ECE1: variants seen among roughly 807,000 people sequenced by gnomAD.
ECE1 encodes endothelin-converting enzyme 1.
ECE1 carries 35 observed loss-of-function variants against 98.6 expected under a neutral mutation model. The ratio of observed to expected loss-of-function variants is 0.35; its 90% confidence interval spans 0.27 to 0.47. The LOEUF (loss-of-function observed/expected upper bound fraction) is 0.47. Among genes scored for constraint, ECE1 ranks in the 20% least tolerant of loss-of-function variants. The probability of loss-of-function intolerance (pLI) is 1.00; values close to 1 mark genes in which losing one functional copy is unlikely to be tolerated. For missense variants in ECE1, 814 were observed against 1,025.3 expected, an observed-to-expected ratio of 0.79 and a Z score of 2.81; for synonymous variants, 394 against 407.1, an observed-to-expected ratio of 0.97 and a Z score of 0.39.
intron 7 of ECE1, 40 bp downstream of exon 7, chr1:21,257,485 C>A: frequency 1.2e-6 from 2 of 1,610,044 alleles, no homozygotes; most frequent in Non-Finnish European, 1.7e-6. Context: ...CAGGAAGGAC[C>A]GTGCTGGGAG....
chr1:21,299,110 T>C (rs1020862416), intron 1 of ECE1: 9 of 336,590 alleles, frequency 2.7e-5, no homozygotes, highest in South Asian at 2.0e-4. Flanking sequence ...ACCCGTCTCA[T>C]TGAATGATAT....
At chr1:21,273,852 G>A (rs963313415) in intron 3 of ECE1, among the ~76,000 whole-genome samples, 4 of 152,238 alleles carry the variant, frequency 2.6e-5, no homozygotes, top group Non-Finnish European at 4.4e-5. Flanking sequence ...CGAGGAGACT[G>A]GTTTGCCAGA....
At chr1:21,278,562 ACTCTAT>A (rs1163966146) in intron 3 of ECE1, among the ~76,000 whole-genome samples, 1 of 152,168 alleles carries the variant, frequency 6.6e-6, no homozygotes, top group African/African-American at 2.4e-5. Flanking sequence ...TTAGCAAGTC[ACTCTAT>A]CTCAGTGCCT....
chr1:21,252,428 G>A (rs1288026875), intron 8 of ECE1, among the ~76,000 whole-genome samples: 4 of 152,206 alleles, frequency 2.6e-5, no homozygotes, highest in Non-Finnish European at 5.9e-5. Context: ...TGCAGCCAAG[G>A]AGTACTGTGG....
chr1:21,301,775 G>A (rs1207879499), intron 1 of ECE1, among the ~76,000 whole-genome samples: 1 of 140,386 alleles, frequency 7.1e-6, no homozygotes, highest in Non-Finnish European at 1.5e-5. Flanking sequence ...GCCGTGAGCC[G>A]AGATTGCACC....
chr1:21,320,507 G>A (rs1638941325), intron 1 of ECE1, among the ~76,000 whole-genome samples: 1 of 152,196 alleles, frequency 6.6e-6, no homozygotes, highest in Non-Finnish European at 1.5e-5. Context: ...AAAATAAGTA[G>A]AAAATTCTTG....
intron 1 of ECE1, among the ~76,000 whole-genome samples, chr1:21,333,394 T>C (rs1045904601): frequency 6.6e-6 from 1 of 152,030 alleles, no homozygotes; most frequent in African/African-American, 2.4e-5. Flanking sequence ...CTCTCAAATA[T>C]AGTGGGGAAA....
intron 1 of ECE1, among the ~76,000 whole-genome samples, chr1:21,312,102 G>A (rs1423505755): frequency 3.4e-5 from 5 of 145,386 alleles, no homozygotes; most frequent in African/African-American, 1.3e-4. Flanking sequence ...CAGCCTGAGC[G>A]ACAGAGTGAG....
In ECE1 at chr1:21,233,548, G is replaced by A. The variant is rs1308639831; in HGVS notation, c.1670+10C>T. On this transcript the variant is annotated intron_variant, in intron 14 of 18. Transcript: ENST00000374893. This position sits in a 1 kb window ranked among gnomAD's most constrained non-coding sequence, Gnocchi z 4.0. ...CTGGCACCTTGCCGGCAGGGCCTGG[G>A]GGAACTCACTGATCTCTGTTGGGGG... The A allele has an allele frequency of 2.5e-6, 4 of 1,612,832 alleles. No homozygotes were observed. The highest frequency in any genetic ancestry group is 3.3e-5 in the Admixed American group (2 of 60,016).
In ECE1 at chr1:21,233,508, C is replaced by T; in HGVS notation, c.1670+50G>A. The T allele has an allele frequency of 6.4e-7, 1 of 1,570,606 alleles. No individual in the cohort carries two copies. The highest frequency in any genetic ancestry group is 8.7e-7 in the Non-Finnish European group (1 of 1,143,172). On this transcript the variant is annotated intron_variant, in intron 14 of 18. Transcript: ENST00000374893. The surrounding 1 kb of genome is among the most constrained non-coding windows in gnomAD (Gnocchi z 4.0). ...GAAGGCCAGTTCGTCCCAAGGCTTG[C>T]CCACAGGTGGGGAGCTGGCACCTTG...
intron 1 of ECE1, among the ~76,000 whole-genome samples, chr1:21,341,062 TC>T (rs947656224): frequency 4.8e-5 from 7 of 146,082 alleles, no homozygotes; most frequent in African/African-American, 1.7e-4. Flanking sequence ...CTCTTCCCAG[TC>T]CCACTCGCTC....
chr1:21,244,276 T>C (rs962450091), intron 10 of ECE1, among the ~76,000 whole-genome samples: 1 of 152,170 alleles, frequency 6.6e-6, no homozygotes, highest in Non-Finnish European at 1.5e-5. Context: ...GGTCATTTCC[T>C]ATCACCTCCC....
Position 21,262,497 on chromosome 1 carries a change from C to G in ECE1, c.494-2105G>C, listed in dbSNP as rs554393222. Among the ~76,000 whole-genome samples, 4 of 152,320 alleles carry G rather than the reference C, an allele frequency of 2.6e-5. No homozygotes were observed. In the South Asian group the frequency reaches 8.3e-4, roughly 32 times the overall value. ...ATTGCTCCCCAGGCCTCAGATGCAG[C>G]GTCTCACCCTCCACATCTGGCTCCG... On this transcript the variant is annotated intron_variant, in intron 4 of 18. Coordinates refer to ENST00000374893, the MANE Select transcript of ECE1 (RefSeq NM_001397.3).
Position 21,300,278 on chromosome 1 carries a change from G to T in ECE1, c.4-10122C>A, listed in dbSNP as rs566087586. 7.5e-4 allele frequency among the ~76,000 whole-genome samples: 115 copies of T among 152,376 alleles called. 2 individuals are homozygous for T. The highest frequency in any genetic ancestry group is 6.8e-3 in the Middle Eastern group (2 of 294). On this transcript the variant is annotated intron_variant, in intron 1 of 18. Transcript: ENST00000415912. ...AAGCAGGGAGAAGAACACCAGGCTT[G>T]GAGTCAGGTGGGTGGCTCTGGGCAG...
intron 1 of ECE1, among the ~76,000 whole-genome samples, chr1:21,300,726 G>T (rs78799902): frequency 6.6e-6 from 1 of 152,008 alleles, no homozygotes; most frequent in East Asian, 1.9e-4. Flanking sequence ...GTGAGCCACC[G>T]TGCCCAGCCC....
intron 1 of ECE1, among the ~76,000 whole-genome samples, chr1:21,296,747 G>A (rs1638364892): frequency 6.6e-6 from 1 of 152,190 alleles, no homozygotes; most frequent in African/African-American, 2.4e-5. Flanking sequence ...TTATCTCAGG[G>A]CCTCACCTCC....
chr1:21,219,886 T>C lies in ECE1; in HGVS notation c.*69A>G. ...TGGCCAAGCGGGCTGAGCAATGCCCTGGAGGCTGGATGGGGGTCTCGTCCT... is the reference window on the plus strand; with the variant it reads ...TGGCCAAGCGGGCTGAGCAATGCCCCGGAGGCTGGATGGGGGTCTCGTCCT... On this transcript the variant is annotated 3_prime_UTR_variant, in exon 19 of 19. Transcript: ENST00000374893. The surrounding 1 kb of genome is among the most constrained non-coding windows in gnomAD (Gnocchi z 4.5). 1 of 1,598,862 alleles carries C rather than the reference T, an allele frequency of 6.3e-7. No homozygotes were observed. Among genetic ancestry groups the C allele is most frequent in the Non-Finnish European group, 8.5e-7 (1 of 1,171,262 alleles).
intron 14 of ECE1, 95 bp from the exon 15 acceptor site, chr1:21,228,136 G>T: frequency 1.0e-6 from 1 of 970,188 alleles, no homozygotes; most frequent in Non-Finnish European, 1.5e-6. Context: ...GGGAATAAGG[G>T]CATTAAAAAT....
intron 9 of ECE1, 79 bp from the exon 10 acceptor site, chr1:21,245,182 G>C: frequency 6.0e-6 from 8 of 1,327,916 alleles, no homozygotes; most frequent in Non-Finnish European, 8.5e-6. Context: ...TGGCCCCTAG[G>C]GGGCTCTCAA....
Sources: gnomAD v4.1 joint callset for allele counts (sites outside exome capture counted in the v4.1 genomes callset) on GRCh38, gnomAD v4.1.1 for gene constraint, Gnocchi (gnomAD v3.1) non-coding constraint, MANE v1.5 for transcripts, NCBI Gene and HGNC (gene_info 2026-07-23, HGNC 2026-07-21) for gene names.